Variants in VPS13D observed in about 807,000 individuals in gnomAD.
The protein encoded by VPS13D is intermembrane lipid transfer protein VPS13D.
A neutral mutation model predicts 461.9 loss-of-function variants in VPS13D; 187 were observed. That is an observed-to-expected ratio of 0.40 (90% CI 0.36 to 0.46). The LOEUF (loss-of-function observed/expected upper bound fraction) is 0.46. VPS13D is among the 20% of genes least tolerant of loss of function. VPS13D has a pLI of 0.60. For missense variants in VPS13D, 4,711 were observed against 5,364.9 expected (o/e 0.88, Z 3.81); for synonymous variants, 1,951 against 1,986.3 (o/e 0.98, Z 0.47).
chr1:12,469,038 GAAA>G (rs59166714), intron 67 of VPS13D, among the ~76,000 whole-genome samples: 1 of 119,792 alleles, frequency 8.3e-6, no homozygotes, highest in Admixed American at 8.3e-5. Context: ...CTGTCTCAAA[GAAA>G]AAAAAAAAAA....
intron 27 of VPS13D, among the ~76,000 whole-genome samples, chr1:12,310,824 C>T (rs541061888): frequency 5.3e-4 from 71 of 132,986 alleles, no homozygotes; most frequent in African/African-American, 1.9e-3. Flanking sequence ...TCCCTCCTTC[C>T]CTCCTTCCTT....
chr1:12,354,063 C>G lies in VPS13D; in HGVS notation c.9521C>G (p.Pro3174Arg). Residue 3174 changes from proline to arginine, a missense_variant, in exon 47 of 70, where the codon CCT (proline) becomes CGT (arginine). Pro to Arg is a moderately radical substitution (Grantham distance 103). Around this residue, in one of 3 missense-constraint regions of VPS13D, gnomAD observed 4,411 missense variants for 4,937.8 expected, o/e 0.89. Transcript: ENST00000620676. ...SDSAKQIFRQ[P>R]GHTIYLLPTV... is the part of the protein sequence containing the mutation. ...AGTGCAAAACAGATTTTCAGACAGC[C>G]TGGGCATACCATATATCTCCTGCCA... is the stretch of plus-strand genomic sequence containing the variant. The G allele has an allele frequency of 6.2e-7, 1 of 1,614,134 alleles. No individual in the cohort carries two copies. The highest frequency in any genetic ancestry group is 1.3e-5 in the African/African-American group (1 of 75,038).
At chr1:12,320,031 A>G (rs758080378) in intron 32 of VPS13D, among the ~76,000 whole-genome samples, 19 of 152,268 alleles carry the variant, frequency 1.2e-4, no homozygotes, top group Admixed American at 1.3e-4. Context: ...CCCTGTGAAG[A>G]GCTAGGGCTT....
In VPS13D at chr1:12,306,141, G is replaced by A. The variant is rs1286621397; in HGVS notation, c.6439+1413G>A. 5.3e-5 allele frequency among the ~76,000 whole-genome samples: 8 copies of A among 151,948 alleles called. No individual in the cohort carries two copies. The East Asian group carries it at 9.6e-4, about 18-fold the overall frequency. ...TGGGACTACAGGCGCCCGCCACCAC[G>A]CCTGGCTAATTTTTTGTATTTTTTA... is the stretch of plus-strand genomic sequence containing the variant. On this transcript the variant is annotated intron_variant, in intron 26 of 69. Coordinates refer to ENST00000620676, the MANE Select transcript of VPS13D (RefSeq NM_015378.4).
intron 6 of VPS13D, 23 bp from the exon 7 acceptor site, chr1:12,253,696 TTTC>T: frequency 6.5e-7 from 1 of 1,547,482 alleles, no homozygotes; most frequent in Non-Finnish European, 8.9e-7. Context: ...GTCATCCTAT[TTTC>T]TTCTTTGTCT....
At chr1:12,378,406 T>C in intron 55 of VPS13D, 22 bp from the exon 56 acceptor site, 1 of 1,564,178 alleles carries the variant, frequency 6.4e-7, no homozygotes, top group South Asian at 1.2e-5. Flanking sequence ...TCTTTCTCTT[T>C]TTGCTTGTAC....
chr1:12,297,532 A>G (rs1402943565), intron 24 of VPS13D, among the ~76,000 whole-genome samples: 4 of 152,160 alleles, frequency 2.6e-5, no homozygotes, highest in Non-Finnish European at 4.4e-5. Context: ...TTTTCTTACT[A>G]TTCTTCCCTT....
At chr1:12,296,511 A>G (rs35685872) in intron 24 of VPS13D, among the ~76,000 whole-genome samples, 2,689 of 152,282 alleles carry the variant, frequency 0.018, 40 homozygotes, top group Non-Finnish European at 0.026. Context: ...ATCTTTTTCC[A>G]TCTTGCTTTG....
intron 67 of VPS13D, among the ~76,000 whole-genome samples, chr1:12,482,763 GTATACATA>G (rs1354199253): frequency 1.3e-5 from 2 of 148,182 alleles, no homozygotes; most frequent in Admixed American, 1.3e-4. Context: ...TGTATACATA[GTATACATA>G]TATGTATACA....
intron 65 of VPS13D, among the ~76,000 whole-genome samples, chr1:12,440,748 C>T (rs1050456174): frequency 1.3e-5 from 2 of 152,078 alleles, no homozygotes; most frequent in Non-Finnish European, 2.9e-5. Flanking sequence ...TGGTGGTGGA[C>T]ACCTGTAATC....
At chr1:12,433,129 G>A (rs1645014161) in intron 65 of VPS13D, among the ~76,000 whole-genome samples, 1 of 152,222 alleles carries the variant, frequency 6.6e-6, no homozygotes, top group Non-Finnish European at 1.5e-5. Flanking sequence ...TCTTGTTCTG[G>A]AGGTGCTGAG....
chr1:12,506,748 G>A (rs528029183), intron 68 of VPS13D, 105 bp from the exon 69 acceptor site: 3 of 1,427,096 alleles, frequency 2.1e-6, no homozygotes, highest in East Asian at 4.6e-5. Flanking sequence ...CAAGGGGGCC[G>A]GGATTCGCAC....
Position 12,478,820 on chromosome 1 carries a change from G to A in VPS13D, c.12662+18424G>A, listed in dbSNP as rs1482743773. The A allele has an allele frequency of 6.6e-6, 3 of 455,996 alleles. No homozygotes were observed. In the East Asian group the frequency reaches 2.1e-4, roughly 32 times the overall value. The allele number at this position is 455,996 out of a possible 1,614,324, so 28.2% of individuals were successfully genotyped here. On this transcript the variant is annotated intron_variant, in intron 67 of 69. Transcript: ENST00000620676. Reference sequence around the variant, plus strand: ...GTATAATGTTGCTGGAGGAAACAGGGCTGACACCACAGGAAACCTGCCTGT... The same window carrying A: ...GTATAATGTTGCTGGAGGAAACAGGACTGACACCACAGGAAACCTGCCTGT...
chr1:12,456,141 G>C lies in VPS13D; in HGVS notation c.12466+11G>C, dbSNP rs773183742. On this transcript the variant is annotated intron_variant, in intron 66 of 69. Transcript: ENST00000620676. ...ATGGCCTGGCTCATGGTAAGTCATG[G>C]GTGACATCAGGCTCTGCTGCTGCTG... The C allele has an allele frequency of 1.2e-6, 2 of 1,605,008 alleles. No homozygotes were observed. Among genetic ancestry groups the C allele is most frequent in the Non-Finnish European group, 1.7e-6 (2 of 1,176,758 alleles).
At chr1:12,286,947 A>C (rs1023137887) in intron 21 of VPS13D, among the ~76,000 whole-genome samples, 2 of 151,922 alleles carry the variant, frequency 1.3e-5, no homozygotes. Context: ...TGCAACCTCT[A>C]CCTCCTGGGT....
At chr1:12,325,879 G>T (rs1643168396) in intron 35 of VPS13D, among the ~76,000 whole-genome samples, 1 of 150,478 alleles carries the variant, frequency 6.6e-6, no homozygotes, top group African/African-American at 2.4e-5. Context: ...GTGAACTTTT[G>T]TCTATGTCTT....
intron 10 of VPS13D, among the ~76,000 whole-genome samples, chr1:12,259,236 CCTTCTG>C (rs1641023451): frequency 6.6e-6 from 1 of 151,822 alleles, no homozygotes; most frequent in African/African-American, 2.4e-5. Context: ...TGAGTTTCAT[CCTTCTG>C]CCCAGGCTGG....
chr1:12,280,156 G>T (rs1641736908), intron 20 of VPS13D, among the ~76,000 whole-genome samples: 1 of 152,048 alleles, frequency 6.6e-6, no homozygotes, highest in Non-Finnish European at 1.5e-5. Flanking sequence ...CTTCAAAAGT[G>T]TCATTTTCCC....
chr1:12,242,716 T>G, intron 3 of VPS13D, 126 bp downstream of exon 3: 1 of 800,882 alleles, frequency 1.2e-6, no homozygotes. Flanking sequence ...TGTTAGAGTT[T>G]AGGCCAGTCT....
Sources: allele counts gnomAD v4.1 joint callset (sites outside exome capture counted in the v4.1 genomes callset), GRCh38; gene constraint gnomAD v4.1.1; regional missense constraint gnomAD v4.1.1; transcripts MANE v1.5; gene names NCBI Gene and HGNC (gene_info 2026-07-23, HGNC 2026-07-21).